Variants in TXNL4A observed in about 807,000 individuals in gnomAD.
TXNL4A encodes thioredoxin-like protein 4A.
In TXNL4A, 17 loss-of-function variants were observed where a neutral mutation model predicts 14.6. That is an observed-to-expected ratio of 1.16 (90% confidence interval 0.80 to 1.74). The LOEUF (loss-of-function observed/expected upper bound fraction) is 1.74. Ranked by LOEUF, TXNL4A falls within the 40% of genes most tolerant of loss-of-function variation. The pLI is 0.00. For synonymous variants in TXNL4A, 83 were observed against 70.6 expected, an observed-to-expected ratio of 1.18 and a Z score of -0.88; for missense variants, 74 against 195.2, an observed-to-expected ratio of 0.38 and a Z score of 3.70.
chr18:79,991,921 T>C (rs1285193804), upstream of TXNL4A, among the ~76,000 whole-genome samples: 1 of 152,190 alleles, frequency 6.6e-6, no homozygotes, highest in East Asian at 1.9e-4. Context: ...GTTTTATACA[T>C]TTTAGGGAGG....
intron 1 of TXNL4A, among the ~76,000 whole-genome samples, chr18:79,997,244 C>T (rs936002374): frequency 2.0e-5 from 3 of 151,896 alleles, no homozygotes; most frequent in African/African-American, 7.3e-5. Context: ...CCTGAAGAAC[C>T]CCCTACCCAA....
chr18:80,028,264 C>T (rs1411608438), intron 1 of TXNL4A, among the ~76,000 whole-genome samples: 1 of 149,292 alleles, frequency 6.7e-6, no homozygotes, highest in East Asian at 1.9e-4. Flanking sequence ...CCCTTCTGTA[C>T]AAGTCTGTTG....
intron 1 of TXNL4A, among the ~76,000 whole-genome samples, chr18:80,004,895 G>A (rs1172254945): frequency 6.6e-6 from 1 of 152,218 alleles, no homozygotes; most frequent in Non-Finnish European, 1.5e-5. Flanking sequence ...AACTATTGAA[G>A]AGTCCAGAAC....
At chr18:80,026,296 A>G (rs1180338649) in intron 1 of TXNL4A, among the ~76,000 whole-genome samples, 1 of 152,242 alleles carries the variant, frequency 6.6e-6, no homozygotes, top group Non-Finnish European at 1.5e-5. Flanking sequence ...TCAGCCCCAG[A>G]CAGGTTTTTA....
chr18:79,996,420 T>C (rs1473342616), intron 1 of TXNL4A, among the ~76,000 whole-genome samples: 1 of 152,212 alleles, frequency 6.6e-6, no homozygotes, highest in Non-Finnish European at 1.5e-5. Context: ...AACTCTCTCA[T>C]GTTTTAAGTC....
chr18:80,031,284 A>G (rs562629501), intron 1 of TXNL4A, among the ~76,000 whole-genome samples: 1 of 152,318 alleles, frequency 6.6e-6, no homozygotes, highest in South Asian at 2.1e-4. Context: ...TTGTGACCAC[A>G]TTATTGTATT....
chr18:80,030,940 C>T (rs772979482), intron 1 of TXNL4A, among the ~76,000 whole-genome samples: 20 of 152,138 alleles, frequency 1.3e-4, no homozygotes, highest in African/African-American at 3.4e-4. Flanking sequence ...GCACTCCAGC[C>T]TGGGCGATGG....
intron 1 of TXNL4A, among the ~76,000 whole-genome samples, chr18:80,018,077 C>T (rs532880727): frequency 6.6e-6 from 1 of 152,114 alleles, no homozygotes; most frequent in South Asian, 2.1e-4. Context: ...CAACTTCTTC[C>T]TGGTTTAGTC....
At chr18:80,027,591 C>G (rs1414603332) in intron 1 of TXNL4A, among the ~76,000 whole-genome samples, 7 of 152,174 alleles carry the variant, frequency 4.6e-5, no homozygotes, top group Admixed American at 1.3e-4. Context: ...TACACAAAGT[C>G]CCACTTACTT....
chr18:79,981,498 CCT>C (rs987161916), intron 1 of TXNL4A, among the ~76,000 whole-genome samples: 5 of 152,094 alleles, frequency 3.3e-5, no homozygotes, highest in Non-Finnish European at 5.9e-5. Flanking sequence ...GTGGTGCAAC[CCT>C]GTCTCTACTA....
chr18:80,020,576 C>G (rs1024768127), intron 1 of TXNL4A, among the ~76,000 whole-genome samples: 7 of 152,160 alleles, frequency 4.6e-5, no homozygotes, highest in Non-Finnish European at 8.8e-5. Context: ...ACTCCCAAGG[C>G]TATTCCCTTT....
upstream of TXNL4A, among the ~76,000 whole-genome samples, chr18:79,989,197 C>T (rs943648742): frequency 1.3e-5 from 2 of 152,110 alleles, no homozygotes; most frequent in Non-Finnish European, 2.9e-5. Context: ...CCACTGCAGC[C>T]TCCGCCTCCC....
At chr18:79,986,411 C>G (rs2051548808) in intron 1 of TXNL4A, among the ~76,000 whole-genome samples, 1 of 150,648 alleles carries the variant, frequency 6.6e-6, no homozygotes, top group South Asian at 2.1e-4. Flanking sequence ...AATTTTTGGA[C>G]AAAAACAAAA....
chr18:79,985,572 A>C (rs2051534507), intron 1 of TXNL4A, among the ~76,000 whole-genome samples: 1 of 152,216 alleles, frequency 6.6e-6, no homozygotes. Context: ...ATTTATTATT[A>C]TCACTTTATC....
upstream of TXNL4A, among the ~76,000 whole-genome samples, chr18:79,990,635 GGA>G (rs1400781453): frequency 6.6e-6 from 1 of 152,186 alleles, no homozygotes; most frequent in African/African-American, 2.4e-5. Context: ...TTTATTCACA[GGA>G]GAGTTGTTCC....
At chr18:79,994,342 C>A (rs190743018) in intron 1 of TXNL4A, among the ~76,000 whole-genome samples, 1 of 152,130 alleles carries the variant, frequency 6.6e-6, no homozygotes, top group African/African-American at 2.4e-5. Flanking sequence ...GAGTAGCCAG[C>A]GGGGGGAAAG....
chr18:80,003,167 T>TG (rs1321908059), intron 1 of TXNL4A, among the ~76,000 whole-genome samples: 2 of 152,358 alleles, frequency 1.3e-5, no homozygotes, highest in South Asian at 2.1e-4. Context: ...TCATCCTCTG[T>TG]GGATGACATT....
At chr18:80,020,029 C>T (rs929097983) in intron 1 of TXNL4A, among the ~76,000 whole-genome samples, 9 of 152,040 alleles carry the variant, frequency 5.9e-5, no homozygotes, top group Admixed American at 3.9e-4. Flanking sequence ...GGGAGGAACC[C>T]GGTGAAAGGT....
intron 1 of TXNL4A, among the ~76,000 whole-genome samples, chr18:80,031,642 T>C (rs2145134171): frequency 6.6e-6 from 1 of 152,302 alleles, no homozygotes; most frequent in South Asian, 2.1e-4. Context: ...GATGGCTACA[T>C]GAGTTACCTC....
Sources: allele counts gnomAD v4.1 joint callset (sites outside exome capture counted in the v4.1 genomes callset), GRCh38; gene constraint gnomAD v4.1.1; transcripts MANE v1.5; gene names NCBI Gene and HGNC (gene_info 2026-07-23, HGNC 2026-07-21).